The following KCNG3 variants were observed in gnomAD, a reference collection of about 807,000 sequenced individuals.
The protein encoded by KCNG3 is potassium voltage-gated channel modifier subfamily G member 3.
A neutral mutation model predicts 29.0 loss-of-function variants in KCNG3; 15 were observed. That is an observed-to-expected ratio of 0.52 (90% CI 0.35 to 0.80). The LOEUF (loss-of-function observed/expected upper bound fraction) is 0.80. Among genes scored for constraint, KCNG3 ranks in the 30% least tolerant of loss-of-function variants. The probability of loss-of-function intolerance (pLI) is 0.01; values close to 1 mark genes in which losing one functional copy is unlikely to be tolerated. For missense variants in KCNG3, 512 were observed against 605.7 expected (o/e 0.85, Z 1.62); for synonymous variants, 322 against 248.9 (o/e 1.29, Z -2.76).
At chr2:42,452,742 TACC>T (rs1464977471) in intron 1 of KCNG3, among the ~76,000 whole-genome samples, 5 of 151,364 alleles carry the variant, frequency 3.3e-5, no homozygotes, top group East Asian at 2.0e-4. Flanking sequence ...TGTGTGTAAG[TACC>T]ACATTTCCTT....
At chr2:42,488,556 T>TC (rs1673785777) in intron 1 of KCNG3, among the ~76,000 whole-genome samples, 1 of 151,148 alleles carries the variant, frequency 6.6e-6, no homozygotes, top group African/African-American at 2.4e-5. Flanking sequence ...TCTTTTCTTT[T>TC]TTTTTTTTTT....
chr2:42,471,849 A>G (rs1190435017), intron 1 of KCNG3, among the ~76,000 whole-genome samples: 2 of 148,076 alleles, frequency 1.4e-5, no homozygotes, highest in Non-Finnish European at 3.0e-5. Context: ...GCACCACTGC[A>G]CTCCAGCCTA....
At chr2:42,418,715 G>T in the KCNG3 span, among the ~76,000 whole-genome samples, 2 of 152,070 alleles carry the variant, frequency 1.3e-5, no homozygotes, top group Non-Finnish European at 2.9e-5. Context: ...TAACTATTTT[G>T]AAGTATGCAC....
intron 1 of KCNG3, among the ~76,000 whole-genome samples, chr2:42,479,605 C>A (rs140615551): frequency 1.3e-5 from 2 of 148,794 alleles, no homozygotes; most frequent in East Asian, 3.9e-4. Context: ...AAGATAGCAC[C>A]ACTGCACTTC....
chr2:42,419,149 T>C, the KCNG3 span, among the ~76,000 whole-genome samples: 1 of 148,496 alleles, frequency 6.7e-6, no homozygotes, highest in South Asian at 2.2e-4. Context: ...GTAATGTTCC[T>C]GACAGGCCTG....
At chr2:42,406,720 G>A in the KCNG3 span, among the ~76,000 whole-genome samples, 2 of 151,220 alleles carry the variant, frequency 1.3e-5, no homozygotes, top group African/African-American at 4.9e-5. Flanking sequence ...CCAGATACTT[G>A]GGGGGCTGAG....
intron 1 of KCNG3, among the ~76,000 whole-genome samples, chr2:42,480,630 A>C (rs1165622761): frequency 6.6e-6 from 1 of 152,056 alleles, no homozygotes; most frequent in Admixed American, 6.6e-5. Flanking sequence ...GTCACAAAAT[A>C]TTCTTCTTTC....
chr2:42,484,277 C>T (rs1673663845), intron 1 of KCNG3, among the ~76,000 whole-genome samples: 1 of 152,028 alleles, frequency 6.6e-6, no homozygotes, highest in Non-Finnish European at 1.5e-5. Context: ...GCCTGGCCAA[C>T]ATGGTGAAAC....
the KCNG3 span, among the ~76,000 whole-genome samples, chr2:42,400,203 T>C: frequency 1.3e-5 from 2 of 151,998 alleles, no homozygotes; most frequent in Non-Finnish European, 2.9e-5. Context: ...GGGAACCCAG[T>C]AGAAAGAAGC....
chr2:42,419,137 G>A, the KCNG3 span, among the ~76,000 whole-genome samples: 7 of 146,902 alleles, frequency 4.8e-5, no homozygotes, highest in Admixed American at 1.4e-4. Context: ...TGTTCAGACC[G>A]TGTAATGTTC....
intron 1 of KCNG3, among the ~76,000 whole-genome samples, chr2:42,480,921 C>G (rs532737200): frequency 3.8e-4 from 58 of 152,162 alleles, no homozygotes; most frequent in African/African-American, 1.3e-3. Flanking sequence ...GCTGGGATTA[C>G]AGGCATGCAC....
the KCNG3 span, among the ~76,000 whole-genome samples, chr2:42,395,455 AC>A: frequency 6.6e-6 from 1 of 152,076 alleles, no homozygotes; most frequent in Non-Finnish European, 1.5e-5. Flanking sequence ...TAATCCCAGC[AC>A]TTTGGGACTA....
chr2:42,461,034 G>C (rs1190903023), intron 1 of KCNG3, among the ~76,000 whole-genome samples: 1 of 151,652 alleles, frequency 6.6e-6, no homozygotes, highest in East Asian at 1.9e-4. Flanking sequence ...GGCAGCATGC[G>C]TCTGTAGTCC....
intron 1 of KCNG3, among the ~76,000 whole-genome samples, chr2:42,446,559 C>A (rs1672602639): frequency 6.6e-6 from 1 of 152,148 alleles, no homozygotes; most frequent in Non-Finnish European, 1.5e-5. Flanking sequence ...TTTCTCACCA[C>A]TAACTTAAAC....
At chr2:42,478,734 C>A (rs559451781) in intron 1 of KCNG3, among the ~76,000 whole-genome samples, 1 of 152,130 alleles carries the variant, frequency 6.6e-6, no homozygotes. Context: ...ATAGATGGCT[C>A]TATGGCTACT....
At chr2:42,400,994 C>T in the KCNG3 span, among the ~76,000 whole-genome samples, 1 of 151,588 alleles carries the variant, frequency 6.6e-6, no homozygotes, top group South Asian at 2.1e-4. Flanking sequence ...TCAAAATAAG[C>T]TCTATATTTT....
chr2:42,492,908 G>C lies in KCNG3; in HGVS notation c.594C>G (p.Asn198Lys). ...CCAGGCTGCGGTTGTCGGCGGCTGCGTTGCGCCAGTCGGGCAACGTGCTGG... is the reference window on the plus strand; with the variant it reads ...CCAGGCTGCGGTTGTCGGCGGCTGCCTTGCGCCAGTCGGGCAACGTGCTGG... Reference protein sequence around the residue: ...LCASTLPDWRNAAADNRSLDD... With the variant: ...LCASTLPDWRKAAADNRSLDD... Residue 198 changes from asparagine (N) to lysine (K), a missense_variant, in exon 1 of 2, where the codon AAC becomes AAG. Asn to Lys is a moderately conservative substitution (Grantham distance 94). This residue lies in a region of KCNG3 where 228 missense variants were observed against 200.0 expected (regional missense o/e 1.14). Transcript: ENST00000306078. 1 of 1,578,396 alleles carries C rather than the reference G, an allele frequency of 6.3e-7. No homozygotes were observed. Among genetic ancestry groups the C allele is most frequent in the Non-Finnish European group, 8.6e-7 (1 of 1,166,856 alleles).
chr2:42,417,279 A>C, the KCNG3 span, among the ~76,000 whole-genome samples: 1 of 152,150 alleles, frequency 6.6e-6, no homozygotes, highest in Non-Finnish European at 1.5e-5. Flanking sequence ...CATTTAAAAA[A>C]TATTTGCATT....
chr2:42,459,227 G>A (rs905420800), intron 1 of KCNG3, among the ~76,000 whole-genome samples: 19 of 150,768 alleles, frequency 1.3e-4, no homozygotes, highest in Non-Finnish European at 2.1e-4. Flanking sequence ...GAGAGAGTGA[G>A]AAGACAGAAT....
Sources: gnomAD v4.1 joint callset for allele counts (sites outside exome capture counted in the v4.1 genomes callset) on GRCh38, gnomAD v4.1.1 for gene constraint, gnomAD v4.1.1 regional missense constraint, MANE v1.5 for transcripts, NCBI Gene and HGNC (gene_info 2026-07-23, HGNC 2026-07-21) for gene names.